Variants in ERCC6 observed in about 807,000 individuals in gnomAD.
ERCC6 encodes DNA excision repair protein ERCC-6.
Under a neutral mutation model 158.7 loss-of-function variants are expected in ERCC6, and 116 were observed. The ratio of observed to expected loss-of-function variants is 0.73; its 90% CI spans 0.63 to 0.85. The LOEUF (loss-of-function observed/expected upper bound fraction) is 0.85, where lower values mean the gene tolerates loss of function less well. Ranked by LOEUF, ERCC6 falls within the 40% of genes least tolerant of loss-of-function variation. ERCC6 has a pLI of 0.00. For missense variants in ERCC6, 1,698 were observed against 1,799.4 expected (o/e 0.94, Z 1.02); for synonymous variants, 678 against 659.3 (o/e 1.03, Z -0.43).
chr10:49,487,233 C>G (rs1203909893), intron 8 of ERCC6, among the ~76,000 whole-genome samples: 1 of 152,144 alleles, frequency 6.6e-6, no homozygotes, highest in Admixed American at 6.5e-5. Flanking sequence ...ATGTAACATT[C>G]AAAGAGTTAA....
chr10:49,459,144 C>T lies in ERCC6; in HGVS notation c.4153G>A (p.Ala1385Thr), dbSNP rs1407837313. 8.1e-6 allele frequency: 13 copies of T among 1,614,158 alleles called. No homozygotes were observed. Among genetic ancestry groups the T allele is most frequent in the South Asian group, 7.7e-5 (7 of 91,082 alleles). Residue 1385 changes from alanine to threonine, a missense_variant, in exon 21 of 21, where the codon GCT becomes ACT. By Grantham distance (58) the Ala-to-Thr change is moderately conservative. Coordinates refer to ENST00000355832, the MANE Select transcript of ERCC6 (RefSeq NM_000124.4). ...EDADSSSGPL[A>T]SSSLLAKMRA... is the part of the protein sequence containing the mutation. ...ATTTTAGCCAAGAGTGAGGAGGAAG[C>T]GAGGGGCCCGGATGAAGAGTCTGCA... is the stretch of plus-strand genomic sequence containing the variant.
chr10:49,441,161 C>T, the ERCC6 span, among the ~76,000 whole-genome samples: 1 of 152,202 alleles, frequency 6.6e-6, no homozygotes, highest in South Asian at 2.1e-4. Context: ...TCCGTGCCTA[C>T]AGATAATTCA....
chr10:49,459,130 G>C lies in ERCC6; in HGVS notation c.4167C>G (p.Leu1389=). ...SSSGPLASSS[L]LAKMRARNHL... ...GGTTTCTAGCTCTCATTTTAGCCAAGAGTGAGGAGGAAGCGAGGGGCCCGG... is the reference window on the plus strand; with the variant it reads ...GGTTTCTAGCTCTCATTTTAGCCAACAGTGAGGAGGAAGCGAGGGGCCCGG... Residue 1389 remains leucine, a synonymous_variant, in exon 21 of 21, where the codon CTC becomes CTG. Transcript: ENST00000355832. 1 of 1,614,234 alleles carries C rather than the reference G, an allele frequency of 6.2e-7. No individual in the cohort carries two copies. The highest frequency in any genetic ancestry group is 8.5e-7 in the Non-Finnish European group (1 of 1,180,054).
At chr10:49,487,845 A>C (rs1851102297) in intron 8 of ERCC6, among the ~76,000 whole-genome samples, 1 of 152,254 alleles carries the variant, frequency 6.6e-6, no homozygotes, top group African/African-American at 2.4e-5. Flanking sequence ...ATGATTAACA[A>C]GAATTAAAAA....
intron 15 of ERCC6, 67 bp from the exon 16 acceptor site, chr10:49,472,537 A>G: frequency 2.0e-6 from 3 of 1,536,336 alleles, no homozygotes; most frequent in Non-Finnish European, 1.8e-6. Flanking sequence ...ACTATAAGAA[A>G]CAAAGCTAGC....
At chr10:49,513,909 GAT>G (rs1482867279) in intron 5 of ERCC6, among the ~76,000 whole-genome samples, 2 of 151,762 alleles carry the variant, frequency 1.3e-5, no homozygotes, top group African/African-American at 4.8e-5. Context: ...AGCTGTCCAA[GAT>G]TACCAATGAG....
downstream of ERCC6, among the ~76,000 whole-genome samples, chr10:49,451,267 C>T (rs1015969230): frequency 6.7e-6 from 1 of 149,680 alleles, no homozygotes; most frequent in South Asian, 2.1e-4. Context: ...CCTTTCCAAC[C>T]TTTATTTTCT....
Position 49,505,888 on chromosome 10 carries a change from A to G in ERCC6, c.1522T>C (p.Phe508Leu). 1 of 1,613,140 alleles carries G rather than the reference A, an allele frequency of 6.2e-7. No homozygotes were observed. The change falls in exon 6 of 21, where the codon TTT (phenylalanine) becomes CTT (leucine). Residue 508 changes from phenylalanine to leucine, a missense_variant. Physicochemically the swap from Phe to Leu is conservative, Grantham distance 22. Transcript: ENST00000355832. ...GAAAGAACATATGGTACATACTTAA[A>G]AAGCTTTTTGAACAGAAAACCTGGC... is the stretch of plus-strand genomic sequence containing the variant. ...KVPGFLFKKL[F>L]KYQQTGVRWL...
chr10:49,516,049 T>C, intron 5 of ERCC6: 1 of 1,614,094 alleles, frequency 6.2e-7, no homozygotes. Context: ...GCAATACTGG[T>C]GAAAAAGTTA....
At chr10:49,538,806 G>T (rs3750747) in intron 1 of ERCC6, among the ~76,000 whole-genome samples, 156 bp downstream of exon 1, 1 of 152,074 alleles carries the variant, frequency 6.6e-6, no homozygotes, top group African/African-American at 2.4e-5. Flanking sequence ...CGCCGGAAGC[G>T]GGCACTTGGC....
intron 8 of ERCC6, among the ~76,000 whole-genome samples, chr10:49,483,770 ATATAT>A (rs1430693909): frequency 1.3e-5 from 2 of 151,320 alleles, no homozygotes. Flanking sequence ...AAATATATAC[ATATAT>A]TAAATTATTA....
chr10:49,442,202 C>CGACAGTTA, the ERCC6 span, among the ~76,000 whole-genome samples: 1 of 152,260 alleles, frequency 6.6e-6, no homozygotes, highest in South Asian at 2.1e-4. Context: ...GTCCTCCAAA[C>CGACAGTTA]GACAGTTACG....
At chr10:49,498,970 G>C (rs1305944619) in intron 7 of ERCC6, among the ~76,000 whole-genome samples, 1 of 152,168 alleles carries the variant, frequency 6.6e-6, no homozygotes, top group African/African-American at 2.4e-5. Context: ...ACACCCAACA[G>C]AGTTGCAGAA....
At chr10:49,453,116 C>T (rs547297904), downstream of ERCC6, among the ~76,000 whole-genome samples, 3 of 152,132 alleles carry the variant, frequency 2.0e-5, no homozygotes, top group East Asian at 5.8e-4. Flanking sequence ...TTTTCATTCT[C>T]TTTTAATATT....
chr10:49,503,330 C>A (rs549891365), intron 6 of ERCC6: 1 of 152,182 alleles, frequency 6.6e-6, no homozygotes, highest in East Asian at 1.9e-4. Flanking sequence ...CAAATCTAAT[C>A]TTCGACGGCT....
chr10:49,513,485 C>T (rs1162625598), intron 5 of ERCC6, among the ~76,000 whole-genome samples: 2 of 152,000 alleles, frequency 1.3e-5, no homozygotes, highest in South Asian at 4.2e-4. Flanking sequence ...TTGTATGAGT[C>T]CATTTTCACT....
chr10:49,467,727 G>A (rs928874189), intron 18 of ERCC6, among the ~76,000 whole-genome samples: 6 of 151,588 alleles, frequency 4.0e-5, no homozygotes, highest in Admixed American at 6.6e-5. Context: ...TACCACACCC[G>A]GCTATTTTTT....
At chr10:49,505,770 A>C in intron 6 of ERCC6, 114 bp downstream of exon 6, 1 of 1,278,234 alleles carries the variant, frequency 7.8e-7, no homozygotes, top group Non-Finnish European at 1.1e-6. Flanking sequence ...TTTTGCAACA[A>C]ATTGCTGCAA....
At chr10:49,474,269 C>G in intron 12 of ERCC6, 27 bp from the exon 13 acceptor site, 1 of 1,559,496 alleles carries the variant, frequency 6.4e-7, no homozygotes, top group Non-Finnish European at 8.8e-7. Context: ...TACATGTACA[C>G]TCAGATGACC....
Sources: allele counts gnomAD v4.1 joint callset (sites outside exome capture counted in the v4.1 genomes callset), GRCh38; gene constraint gnomAD v4.1.1; transcripts MANE v1.5; gene names NCBI Gene and HGNC (gene_info 2026-07-23, HGNC 2026-07-21).